Variants in AKAP6 observed in about 807,000 individuals in gnomAD.
AKAP6 encodes the protein A-kinase anchor protein 6.
AKAP6 carries 58 observed loss-of-function variants against 188.5 expected under a neutral mutation model. That is an observed-to-expected ratio of 0.31 (90% CI 0.25 to 0.38). The LOEUF (loss-of-function observed/expected upper bound fraction) is 0.38. Ranked by LOEUF, AKAP6 falls within the 10% of genes least tolerant of loss-of-function variation. The probability of loss-of-function intolerance (pLI) is 1.00; values close to 1 mark genes in which losing one functional copy is unlikely to be tolerated. For missense variants in AKAP6, 2,710 were observed against 2,740.0 expected (o/e 0.99, Z 0.24); for synonymous variants, 989 against 998.6 (o/e 0.99, Z 0.18).
At chr14:32,520,165 C>G (rs1398530928) in intron 2 of AKAP6, among the ~76,000 whole-genome samples, 1 of 152,184 alleles carries the variant, frequency 6.6e-6, no homozygotes, top group Admixed American at 6.5e-5. Context: ...AAAGACACAA[C>G]ATACCAGAAT....
intron 2 of AKAP6, among the ~76,000 whole-genome samples, chr14:32,525,325 A>G (rs1453044828): frequency 6.6e-6 from 1 of 152,224 alleles, no homozygotes; most frequent in East Asian, 1.9e-4. Flanking sequence ...CAATAAATGA[A>G]TCCTCTGAAG....
chr14:32,799,455 C>A (rs1238570030), intron 12 of AKAP6, among the ~76,000 whole-genome samples: 1 of 151,078 alleles, frequency 6.6e-6, no homozygotes. Flanking sequence ...TGTAAGTTTC[C>A]CTCTAAGCTC....
At chr14:32,656,508 T>C (rs1174650817) in intron 7 of AKAP6, among the ~76,000 whole-genome samples, 1 of 152,168 alleles carries the variant, frequency 6.6e-6, no homozygotes, top group Admixed American at 6.5e-5. Context: ...CCTGGGAAAC[T>C]AAGATTTATT....
chr14:32,371,701 G>A (rs1169612261), intron 1 of AKAP6, among the ~76,000 whole-genome samples: 2 of 152,194 alleles, frequency 1.3e-5, no homozygotes, highest in African/African-American at 2.4e-5. Flanking sequence ...TCATGAAAAG[G>A]TGGGATTAAC....
intron 5 of AKAP6, among the ~76,000 whole-genome samples, chr14:32,593,761 A>G (rs1885578402): frequency 6.6e-6 from 1 of 152,196 alleles, no homozygotes; most frequent in African/African-American, 2.4e-5. Flanking sequence ...TAAATGACTC[A>G]TCCCAGGGCA....
intron 1 of AKAP6, among the ~76,000 whole-genome samples, chr14:32,386,569 GCTGA>G (rs1325623944): frequency 6.6e-6 from 1 of 152,088 alleles, no homozygotes; most frequent in Non-Finnish European, 1.5e-5. Flanking sequence ...CGTTTACTCT[GCTGA>G]CTGTTTCTTT....
At chr14:32,494,836 G>C (rs146780640) in intron 2 of AKAP6, among the ~76,000 whole-genome samples, 3 of 152,158 alleles carry the variant, frequency 2.0e-5, no homozygotes, top group African/African-American at 7.2e-5. Flanking sequence ...TTAAAGATAG[G>C]TGTATAACTT....
chr14:32,410,433 A>G (rs1889443501), intron 1 of AKAP6, among the ~76,000 whole-genome samples: 1 of 152,098 alleles, frequency 6.6e-6, no homozygotes, highest in South Asian at 2.1e-4. Flanking sequence ...GCCTTTCCAA[A>G]CCAATGTACA....
chr14:32,435,648 C>G lies in AKAP6; in HGVS notation c.324+1831C>G, dbSNP rs540272328. 2.6e-5 allele frequency among the ~76,000 whole-genome samples: 4 copies of G among 152,316 alleles called. No homozygotes were observed. In the East Asian group the frequency reaches 7.7e-4, roughly 29 times the overall value. ...GCCCCAGGAGGGCATGAAGTCAACA[C>G]AGTAATTACATAGTAGTTACTCAGT... On this transcript the variant is annotated intron_variant, in intron 2 of 13. Coordinates refer to ENST00000280979, the MANE Select transcript of AKAP6 (RefSeq NM_004274.5).
rs2034851035 is a variant in AKAP6, at chr14:32,834,296, G to A, written c.*4491G>A. On this transcript the variant is annotated 3_prime_UTR_variant, in exon 14 of 14. Transcript: ENST00000280979. The stretch of plus-strand genomic sequence containing the variant: ...AGCTACTTGGGAGGCTGAGGCAGGA[G>A]AATTGCTTGAAGCCAGGAGGCAGAG... 1 of 152,090 alleles carries A rather than the reference G, an allele frequency of 6.6e-6. No homozygotes were observed. The highest frequency in any genetic ancestry group is 2.1e-4 in the South Asian group (1 of 4,832). 9.4% of individuals were successfully genotyped at this position (152,090 alleles called of 1,614,324 possible).
At chr14:32,408,899 A>T (rs923386173) in intron 1 of AKAP6, among the ~76,000 whole-genome samples, 1 of 152,116 alleles carries the variant, frequency 6.6e-6, no homozygotes, top group Non-Finnish European at 1.5e-5. Flanking sequence ...CAATAAGATT[A>T]GTTTATATAG....
chr14:32,333,139 A>G (rs1201626046), intron 1 of AKAP6, among the ~76,000 whole-genome samples: 1 of 152,144 alleles, frequency 6.6e-6, no homozygotes, highest in Non-Finnish European at 1.5e-5. Flanking sequence ...AAGAGGCCCA[A>G]GCTTGTGTCT....
chr14:32,433,228 G>A (rs912099539), intron 1 of AKAP6: 26 of 385,800 alleles, frequency 6.7e-5, no homozygotes, highest in South Asian at 5.1e-4. Flanking sequence ...AGATGGGGGC[G>A]GTGGGGGGAG....
chr14:32,531,339 C>T (rs1882405986), intron 2 of AKAP6, among the ~76,000 whole-genome samples: 2 of 152,188 alleles, frequency 1.3e-5, no homozygotes, highest in African/African-American at 4.8e-5. Context: ...GGGAGCTACA[C>T]AGAATTACTA....
In AKAP6 at chr14:32,379,269, G is replaced by GT. The variant is rs529257656; in HGVS notation, c.-35+49867dup. 3.8e-3 allele frequency among the ~76,000 whole-genome samples: 584 copies of GT among 152,194 alleles called. 1 individual carries two copies. The highest frequency in any genetic ancestry group is 9.1e-3 in the South Asian group (44 of 4,822). On this transcript the variant is annotated intron_variant, in intron 1 of 13. Coordinates refer to ENST00000280979, the MANE Select transcript of AKAP6 (RefSeq NM_004274.5). ...GTATGAAATTACTTCAGACTACTTA[G>GT]TTTTTTAAAGAAAATCTCATTAAAT... is the stretch of plus-strand genomic sequence containing the variant.
Position 32,837,582 on chromosome 14 carries a change from G to GTGTT in AKAP6, c.*7784_*7787dup, listed in dbSNP as rs2034887465. On this transcript the variant is annotated 3_prime_UTR_variant, in exon 14 of 14. Transcript: ENST00000280979. ...TCAAAACAAATAATTCCCTCTGTGT[G>GTGTT]TGTTTGTTTGCTTGCAAATATGTTT... 1 of 152,172 alleles carries GTGTT rather than the reference G, an allele frequency of 6.6e-6. No homozygotes were observed. Among genetic ancestry groups the GTGTT allele is most frequent in the East Asian group, 1.9e-4 (1 of 5,196 alleles). The allele number at this position is 152,172 out of a possible 1,614,324, so 9.4% of individuals were successfully genotyped here.
intron 1 of AKAP6, among the ~76,000 whole-genome samples, chr14:32,376,493 C>A: frequency 6.6e-6 from 1 of 152,012 alleles, no homozygotes; most frequent in Non-Finnish European, 1.5e-5. Context: ...ATTGCAGTGC[C>A]TTTCATATAA....
At chr14:32,397,147 C>T (rs1276297510) in intron 1 of AKAP6, among the ~76,000 whole-genome samples, 2 of 152,110 alleles carry the variant, frequency 1.3e-5, no homozygotes, top group African/African-American at 2.4e-5. Context: ...TTAAAAAGTT[C>T]CACAATGGTG....
chr14:32,355,846 C>T (rs918072685), intron 1 of AKAP6, among the ~76,000 whole-genome samples: 1 of 151,990 alleles, frequency 6.6e-6, no homozygotes, highest in African/African-American at 2.4e-5. Flanking sequence ...GTGATCACAG[C>T]TCACTGCAGC....
Sources: allele counts gnomAD v4.1 joint callset (sites outside exome capture counted in the v4.1 genomes callset), GRCh38; gene constraint gnomAD v4.1.1; transcripts MANE v1.5; gene names NCBI Gene and HGNC (gene_info 2026-07-23, HGNC 2026-07-21).